The following SFMBT2 variants were observed in gnomAD, a reference collection of about 807,000 sequenced individuals.
The protein encoded by SFMBT2 is Scm like with four mbt domains 2, also known as scm-like with four MBT domains protein 2.
In SFMBT2, 38 loss-of-function variants were observed where a neutral mutation model predicts 110.1. That is an observed-to-expected ratio of 0.35 (90% CI 0.27 to 0.45). The LOEUF (loss-of-function observed/expected upper bound fraction) is 0.45, where lower values mean the gene tolerates loss of function less well. Ranked by LOEUF, SFMBT2 falls within the 20% of genes least tolerant of loss-of-function variation. SFMBT2 has a pLI of 1.00. For synonymous variants in SFMBT2, 425 were observed against 425.4 expected (o/e 1.00, Z 0.01); for missense variants, 1,011 against 1,094.9 (o/e 0.92, Z 1.08).
intron 13 of SFMBT2, among the ~76,000 whole-genome samples, chr10:7,201,773 C>T (rs1759629429): frequency 6.6e-6 from 1 of 152,178 alleles, no homozygotes; most frequent in South Asian, 2.1e-4. Flanking sequence ...TTCAAAAACA[C>T]ACTGCCTGCC....
chr10:7,193,452 A>G (rs891357946), intron 15 of SFMBT2, among the ~76,000 whole-genome samples: 1 of 152,212 alleles, frequency 6.6e-6, no homozygotes, highest in African/African-American at 2.4e-5. Context: ...TTCTCCAAGG[A>G]CAATGTCCCC....
intron 7 of SFMBT2, among the ~76,000 whole-genome samples, chr10:7,250,581 T>C (rs1031577411): frequency 1.3e-5 from 2 of 152,206 alleles, no homozygotes; most frequent in African/African-American, 4.8e-5. Context: ...TAGAATGATG[T>C]GTTTCCCTTT....
intron 4 of SFMBT2, among the ~76,000 whole-genome samples, chr10:7,315,974 A>T (rs1016085442): frequency 1.3e-5 from 2 of 152,198 alleles, no homozygotes; most frequent in Non-Finnish European, 2.9e-5. Context: ...TATACAACAC[A>T]GGGAAAACTG....
chr10:7,197,462 G>T, intron 15 of SFMBT2, 86 bp downstream of exon 15: 29 of 1,537,784 alleles, frequency 1.9e-5, no homozygotes, highest in Non-Finnish European at 2.5e-5. Context: ...TGCTTCCAAT[G>T]CCTATTCCCT....
intron 4 of SFMBT2, among the ~76,000 whole-genome samples, chr10:7,291,582 C>G (rs1386739781): frequency 1.3e-5 from 2 of 152,144 alleles, no homozygotes; most frequent in Non-Finnish European, 2.9e-5. Context: ...CCTCTTTGAT[C>G]AGAAGCTTTC....
At chr10:7,207,699 G>T in intron 11 of SFMBT2, 1 of 763,322 alleles carries the variant, frequency 1.3e-6, no homozygotes, top group Non-Finnish European at 1.6e-6. Context: ...AACACAAAAT[G>T]GTCCTAAATC....
intron 4 of SFMBT2, among the ~76,000 whole-genome samples, chr10:7,311,045 C>CAAAAAAAAAAA (rs201310544): frequency 1.0e-5 from 1 of 96,912 alleles, no homozygotes; most frequent in Non-Finnish European, 2.0e-5. Context: ...AACTCCATCT[C>CAAAAAAAAAAA]AAAAAAAAAA....
chr10:7,208,522 T>C (rs1302200730), intron 11 of SFMBT2, among the ~76,000 whole-genome samples: 1 of 150,714 alleles, frequency 6.6e-6, no homozygotes, highest in Admixed American at 6.7e-5. Flanking sequence ...TCATCTCTAC[T>C]AAAAATACAA....
Position 7,215,737 on chromosome 10 carries a change from T to C in SFMBT2, c.1330+4674A>G, listed in dbSNP as rs1412335848. On this transcript the variant is annotated intron_variant, in intron 11 of 20. Coordinates refer to ENST00000397167, the MANE Select transcript of SFMBT2 (RefSeq NM_001387889.1). ...ATTTAAGCCCACTGACTCAACTTCA[T>C]AGACATCAGGGCCTGACCTGCTTCC... 9.1e-6 allele frequency: 9 copies of C among 985,282 alleles called. No homozygotes were observed. In the East Asian group the frequency reaches 4.5e-4, roughly 50 times the overall value. The allele number at this position is 985,282 out of a possible 1,614,324, so 61.0% of individuals were successfully genotyped here.
chr10:7,187,366 A>T (rs913927506), intron 16 of SFMBT2, among the ~76,000 whole-genome samples: 1 of 152,256 alleles, frequency 6.6e-6, no homozygotes, highest in Admixed American at 6.5e-5. Context: ...TCTTTAAAGC[A>T]GAAAAATATG....
intron 8 of SFMBT2, 81 bp downstream of exon 8, chr10:7,248,467 T>G: frequency 8.6e-7 from 1 of 1,166,738 alleles, no homozygotes; most frequent in South Asian, 1.3e-5. Context: ...CGAACATATG[T>G]CATCTGGTCG....
intron 2 of SFMBT2, among the ~76,000 whole-genome samples, chr10:7,381,457 C>T (rs1248010345): frequency 1.3e-5 from 2 of 152,126 alleles, no homozygotes; most frequent in African/African-American, 2.4e-5. Flanking sequence ...ACTGCTGGTC[C>T]GAGACCTCCA....
At chr10:7,371,856 G>A (rs1845072701) in intron 2 of SFMBT2, among the ~76,000 whole-genome samples, 3 of 151,976 alleles carry the variant, frequency 2.0e-5, no homozygotes, top group African/African-American at 4.8e-5. Flanking sequence ...GATAGGCCAG[G>A]GGACATGGGG....
intron 15 of SFMBT2, among the ~76,000 whole-genome samples, chr10:7,190,243 C>T (rs962550046): frequency 3.3e-5 from 5 of 152,190 alleles, no homozygotes; most frequent in Non-Finnish European, 4.4e-5. Context: ...TTATTGTTTA[C>T]TGTCAGTACA....
chr10:7,395,331 G>C (rs1053400516), intron 1 of SFMBT2, among the ~76,000 whole-genome samples: 1 of 152,198 alleles, frequency 6.6e-6, no homozygotes, highest in Non-Finnish European at 1.5e-5. Flanking sequence ...TCAGAATCTT[G>C]AGGGCTTCCC....
chr10:7,350,757 C>A (rs559870276), intron 4 of SFMBT2, among the ~76,000 whole-genome samples: 4 of 152,328 alleles, frequency 2.6e-5, no homozygotes, highest in African/African-American at 7.2e-5. Context: ...TTTTTACAAT[C>A]TTGTTTTTCC....
At chr10:7,327,866 C>T (rs1843443500) in intron 4 of SFMBT2, among the ~76,000 whole-genome samples, 2 of 152,168 alleles carry the variant, frequency 1.3e-5, no homozygotes, top group South Asian at 4.1e-4. Flanking sequence ...TGTCCATTCA[C>T]TGCTTAAAGA....
chr10:7,177,229 G>A (rs909437078), intron 16 of SFMBT2, among the ~76,000 whole-genome samples: 1 of 152,186 alleles, frequency 6.6e-6, no homozygotes, highest in South Asian at 2.1e-4. Flanking sequence ...CAAGGAGAAT[G>A]CACGCTGGAA....
At position 7,191,044 on chromosome 10, in the gene SFMBT2, T is replaced by C. The variant is rs949561729; in HGVS notation, c.1699-2311A>G. Among the ~76,000 whole-genome samples, 7 of 150,730 alleles carry C rather than the reference T, an allele frequency of 4.6e-5. No homozygotes were observed. The Admixed American group carries it at 4.7e-4, about 10-fold the overall frequency. On this transcript the variant is annotated intron_variant, in intron 15 of 20. Transcript: ENST00000397167. ...CATGTAAGACGTGCCTTTTGCCGTC[T>C]GCCATGATTGTGAGGCCTCCCCAGC...
Sources: allele counts gnomAD v4.1 joint callset (sites outside exome capture counted in the v4.1 genomes callset), GRCh38; gene constraint gnomAD v4.1.1; transcripts MANE v1.5; gene names NCBI Gene and HGNC (gene_info 2026-07-23, HGNC 2026-07-21).